The following SCARB1 variants were observed in gnomAD, a reference collection of about 807,000 sequenced individuals.
The protein encoded by SCARB1 is scavenger receptor class B member 1.
SCARB1 carries 30 observed loss-of-function variants against 57.2 expected under a neutral mutation model. The observed-to-expected ratio is 0.52, with a 90% CI of 0.39 to 0.71. SCARB1 has a LOEUF of 0.71. Among genes scored for constraint, SCARB1 ranks in the 30% least tolerant of loss-of-function variants. SCARB1 has a pLI of 0.00. For synonymous variants in SCARB1, 249 were observed against 268.3 expected (o/e 0.93, Z 0.70); for missense variants, 543 against 671.2 (o/e 0.81, Z 2.11).
rs528856032 is a variant in SCARB1 at position 124,779,231 on chromosome 12, G to A, written c.*1-645C>T. On this transcript the variant is annotated intron_variant, in intron 12 of 12. Transcript: ENST00000261693. ...CCCAAAGCGCTGGGATTCCAGGCGT[G>A]AGACACCATGCCTGGCCTGTGTTTT... 3.3e-5 allele frequency among the ~76,000 whole-genome samples: 5 copies of A among 152,334 alleles called. No individual in the cohort carries two copies. In the South Asian group the frequency reaches 6.2e-4, roughly 19 times the overall value.
intron 1 of SCARB1, among the ~76,000 whole-genome samples, chr12:124,850,420 C>T (rs541649483): frequency 3.2e-4 from 49 of 151,778 alleles, no homozygotes; most frequent in Middle Eastern, 3.4e-3. Flanking sequence ...ACCTGTAATC[C>T]CAGCACTTTG....
At chr12:124,798,609 G>A (rs542894260) in intron 8 of SCARB1, among the ~76,000 whole-genome samples, 3 of 152,252 alleles carry the variant, frequency 2.0e-5, no homozygotes, top group East Asian at 3.9e-4. Context: ...CTGGGAGTCC[G>A]AGGCGGGTGG....
chr12:124,795,416 C>T lies in SCARB1; in HGVS notation c.1129-148G>A, dbSNP rs543493069. 3.6e-5 allele frequency: 23 copies of T among 647,834 alleles called. No individual in the cohort carries two copies. The Admixed American group carries it at 4.1e-4, about 11-fold the overall frequency. 40.1% of individuals were successfully genotyped at this position (647,834 alleles called of 1,614,324 possible). On this transcript the variant is annotated intron_variant, in intron 8 of 12. Transcript: ENST00000261693. Reference sequence around the variant, plus strand: ...CTTGTATCTTACCTAAAACAAGCCACAGGCTGGGGGGGGTCAACAGTTCTA... The same window carrying T: ...CTTGTATCTTACCTAAAACAAGCCATAGGCTGGGGGGGGTCAACAGTTCTA...
At chr12:124,837,514 GAAAAGAAA>G (rs1951709637) in intron 1 of SCARB1, among the ~76,000 whole-genome samples, 5 of 110,398 alleles carry the variant, frequency 4.5e-5, no homozygotes, top group Admixed American at 1.1e-4. Context: ...GGAGAAAAAA[GAAAAGAAA>G]GGAAAGAAAA....
chr12:124,841,368 C>T (rs1202772189), intron 1 of SCARB1, among the ~76,000 whole-genome samples: 3 of 134,720 alleles, frequency 2.2e-5, no homozygotes, highest in African/African-American at 8.3e-5. Flanking sequence ...AGCAAGACTC[C>T]GTCTCAAAAA....
At chr12:124,845,855 A>C (rs912572762) in intron 1 of SCARB1, among the ~76,000 whole-genome samples, 8 of 148,200 alleles carry the variant, frequency 5.4e-5, no homozygotes, top group Non-Finnish European at 8.9e-5. Flanking sequence ...AAATACAAAA[A>C]AAAAAAATTA....
chr12:124,819,458 C>T (rs1902569), intron 1 of SCARB1, among the ~76,000 whole-genome samples: 51,511 of 152,130 alleles, frequency 0.34, 9,532 homozygotes, highest in South Asian at 0.47. Context: ...ATAGGAAACA[C>T]GCCTGGGGTC....
At chr12:124,847,992 C>T (rs893108194) in intron 1 of SCARB1, among the ~76,000 whole-genome samples, 1 of 152,092 alleles carries the variant, frequency 6.6e-6, no homozygotes, top group Admixed American at 6.5e-5. Context: ...CCTGAAAGAC[C>T]CAGCAAAGAG....
chr12:124,860,978 C>G (rs921442233), intron 1 of SCARB1, among the ~76,000 whole-genome samples: 4 of 152,104 alleles, frequency 2.6e-5, no homozygotes, highest in Non-Finnish European at 2.9e-5. Context: ...TACATACAGG[C>G]TCCTGGTACA....
At chr12:124,802,355 T>G (rs1169704871) in intron 7 of SCARB1, among the ~76,000 whole-genome samples, 1 of 152,126 alleles carries the variant, frequency 6.6e-6, no homozygotes, top group East Asian at 1.9e-4. Flanking sequence ...CTGCAGGTGA[T>G]GGCAAGGAGG....
rs1304837358 is a variant in SCARB1, at chr12:124,796,048, A to G, written c.1129-780T>C. Among the ~76,000 whole-genome samples the G allele has an allele frequency of 1.3e-5, 2 of 152,146 alleles. No homozygotes were observed. The highest frequency in any genetic ancestry group is 2.9e-5 in the Non-Finnish European group (2 of 68,022). On this transcript the variant is annotated intron_variant, in intron 8 of 12. Coordinates refer to ENST00000261693, the MANE Select transcript of SCARB1 (RefSeq NM_005505.5). This position sits in a 1 kb window ranked among gnomAD's most constrained non-coding sequence, Gnocchi z 4.0. Reference sequence around the variant, plus strand: ...GAGTGCAGGCAACCTCTGCCTCCTGAGTTCAAGCGATTGTCCTGCCTCAGC... The same window carrying G: ...GAGTGCAGGCAACCTCTGCCTCCTGGGTTCAAGCGATTGTCCTGCCTCAGC...
chr12:124,838,541 C>A (rs1951782820), intron 1 of SCARB1, among the ~76,000 whole-genome samples: 1 of 152,010 alleles, frequency 6.6e-6, no homozygotes, highest in African/African-American at 2.4e-5. Flanking sequence ...TGGTTTGGGC[C>A]TGGAGGAATC....
At chr12:124,805,696 C>G (rs1189658822) in intron 7 of SCARB1, among the ~76,000 whole-genome samples, 1 of 149,774 alleles carries the variant, frequency 6.7e-6, no homozygotes, top group Non-Finnish European at 1.5e-5. Context: ...GTAGCTAGGA[C>G]TACAGGCATG....
At chr12:124,848,586 G>A (rs191478885) in intron 1 of SCARB1, among the ~76,000 whole-genome samples, 45 of 152,348 alleles carry the variant, frequency 3.0e-4, no homozygotes, top group Admixed American at 8.5e-4. Flanking sequence ...TGCACATGCA[G>A]CAACTTGTAC....
In SCARB1 at chr12:124,817,779, A is replaced by G. The variant is rs1950801879; in HGVS notation, c.127-72T>C. On this transcript the variant is annotated intron_variant, in intron 1 of 12. Coordinates refer to ENST00000261693, the MANE Select transcript of SCARB1 (RefSeq NM_005505.5). The surrounding 1 kb of genome is among the most constrained non-coding windows in gnomAD (Gnocchi z 4.8). ...CCCACGCCCCACCACAAGGCTCCGGAACAGCTGCCCGAGCCCGGCCAGGGA... is the reference window on the plus strand; with the variant it reads ...CCCACGCCCCACCACAAGGCTCCGGGACAGCTGCCCGAGCCCGGCCAGGGA... 1.6e-5 allele frequency: 25 copies of G among 1,555,214 alleles called. No homozygotes were observed. The highest frequency in any genetic ancestry group is 2.1e-5 in the Non-Finnish European group (24 of 1,127,194).
intron 11 of SCARB1, chr12:124,785,158 C>G (rs1051931854): frequency 6.6e-6 from 1 of 152,466 alleles, no homozygotes; most frequent in African/African-American, 2.4e-5. Flanking sequence ...ACTGGGGCCT[C>G]CCCGCTGGGC....
intron 8 of SCARB1, among the ~76,000 whole-genome samples, chr12:124,798,011 T>TGTAC (rs1950003169): frequency 6.6e-6 from 1 of 152,226 alleles, no homozygotes; most frequent in East Asian, 1.9e-4. Context: ...GGCACTCCCA[T>TGTAC]GTACGCTGTG....
intron 1 of SCARB1, among the ~76,000 whole-genome samples, chr12:124,821,866 A>C (rs956523030): frequency 1.3e-5 from 2 of 152,048 alleles, no homozygotes; most frequent in Non-Finnish European, 2.9e-5. Context: ...TTTCCACCAC[A>C]CTAGACCAGG....
intron 12 of SCARB1, among the ~76,000 whole-genome samples, chr12:124,779,143 A>T (rs1872896701): frequency 6.6e-6 from 1 of 151,864 alleles, no homozygotes; most frequent in African/African-American, 2.4e-5. Flanking sequence ...TGTAGAGATC[A>T]GGTCTATGTT....
Sources: gnomAD v4.1 joint callset for allele counts (sites outside exome capture counted in the v4.1 genomes callset) on GRCh38, gnomAD v4.1.1 for gene constraint, Gnocchi (gnomAD v3.1) non-coding constraint, MANE v1.5 for transcripts, NCBI Gene and HGNC (gene_info 2026-07-23, HGNC 2026-07-21) for gene names.